The following TMEM132D variants were observed in gnomAD, a reference collection of about 807,000 sequenced individuals.
TMEM132D encodes the protein transmembrane protein 132D, also known as mature OL transmembrane protein.
In TMEM132D, 21 loss-of-function variants were observed where a neutral mutation model predicts 62.3. The ratio of observed to expected loss-of-function variants is 0.34; its 90% CI spans 0.24 to 0.49. The LOEUF (loss-of-function observed/expected upper bound fraction) is 0.49, where lower values mean the gene tolerates loss of function less well. Among genes scored for constraint, TMEM132D ranks in the 20% least tolerant of loss-of-function variants. The pLI is 0.99. For synonymous variants in TMEM132D, 621 were observed against 575.6 expected (o/e 1.08, Z -1.13); for missense variants, 1,346 against 1,402.8 (o/e 0.96, Z 0.65).
At chr12:129,637,071 A>G (rs1320562682) in intron 2 of TMEM132D, among the ~76,000 whole-genome samples, 1 of 152,214 alleles carries the variant, frequency 6.6e-6, no homozygotes, top group Non-Finnish European at 1.5e-5. Context: ...CCAGTCAAAG[A>G]TGACTCACGT....
intron 5 of TMEM132D, among the ~76,000 whole-genome samples, chr12:129,172,795 C>T (rs965377936): frequency 4.6e-5 from 7 of 152,152 alleles, no homozygotes; most frequent in Non-Finnish European, 7.3e-5. Context: ...TCAGGCTGGT[C>T]TCAAACTCCC....
intron 3 of TMEM132D, among the ~76,000 whole-genome samples, chr12:129,463,126 C>T (rs1189626474): frequency 6.6e-6 from 1 of 152,184 alleles, no homozygotes; most frequent in Non-Finnish European, 1.5e-5. Context: ...GAGCGCTGAA[C>T]CTACACAGTG....
intron 1 of TMEM132D, among the ~76,000 whole-genome samples, chr12:129,869,355 A>T (rs115827117): frequency 0.053 from 8,063 of 152,288 alleles, 312 homozygotes; most frequent in Non-Finnish European, 0.083. Flanking sequence ...TAGGACCTCC[A>T]TGGATACCAA....
Position 129,895,963 on chromosome 12 carries a change from CTT to C in TMEM132D, c.79+7296_79+7297del, listed in dbSNP as rs957389211. Among the ~76,000 whole-genome samples the C allele has an allele frequency of 8.8e-3, 857 of 97,780 alleles. 12 individuals carry two copies. Among genetic ancestry groups the C allele is most frequent in the African/African-American group, 0.029 (810 of 27,672 alleles). The allele number at this position is 97,780 out of a possible 152,430, so 64.1% of individuals were successfully genotyped here. On this transcript the variant is annotated intron_variant, in intron 1 of 8. Coordinates refer to ENST00000422113, the MANE Select transcript of TMEM132D (RefSeq NM_133448.3). ...TCAGGAATTTGATTTCTCTGTCTCT[CTT>C]TTTTTTTTTTTTTTTTTTGTTTGGA...
At chr12:129,676,938 C>T (rs1037307200) in intron 2 of TMEM132D, among the ~76,000 whole-genome samples, 8 of 152,158 alleles carry the variant, frequency 5.3e-5, no homozygotes, top group African/African-American at 1.9e-4. Context: ...TCCTATCCCG[C>T]CTTTTGCACT....
chr12:129,296,274 A>T (rs959894952), intron 4 of TMEM132D, among the ~76,000 whole-genome samples: 4 of 152,196 alleles, frequency 2.6e-5, no homozygotes, highest in African/African-American at 9.6e-5. Flanking sequence ...TGAGTACGTT[A>T]TCTCATTTAA....
At chr12:129,422,922 TAC>T (rs919381216) in intron 3 of TMEM132D, among the ~76,000 whole-genome samples, 1 of 148,634 alleles carries the variant, frequency 6.7e-6, no homozygotes, top group African/African-American at 2.5e-5. Flanking sequence ...TATACATACA[TAC>T]ATGCAGAATA....
At chr12:129,864,634 G>C (rs1373464641) in intron 1 of TMEM132D, among the ~76,000 whole-genome samples, 1 of 152,234 alleles carries the variant, frequency 6.6e-6, no homozygotes, top group African/African-American at 2.4e-5. Context: ...AGAGACAAGA[G>C]ATGGGGACAG....
At chr12:129,578,392 G>A (rs538986350) in intron 2 of TMEM132D, among the ~76,000 whole-genome samples, 114 of 117,274 alleles carry the variant, frequency 9.7e-4, no homozygotes, top group African/African-American at 3.6e-3. Flanking sequence ...TCTGGAGAAC[G>A]CTGAGTAATA....
At chr12:129,898,841 A>G (rs546007058) in intron 1 of TMEM132D, among the ~76,000 whole-genome samples, 22 of 152,210 alleles carry the variant, frequency 1.4e-4, no homozygotes, top group Non-Finnish European at 2.6e-4. Flanking sequence ...TGGTGCTCAG[A>G]AGGCAGTTAC....
rs1013028730 is a variant in TMEM132D, at chr12:129,441,852, G to A, written c.1115+89207C>T. ...GCCTTTGCAGCAACATGGATGCAGTGGGAGGCTGTTACCTTAAGCAAAGTG... is the reference window on the plus strand; with the variant it reads ...GCCTTTGCAGCAACATGGATGCAGTAGGAGGCTGTTACCTTAAGCAAAGTG... On this transcript the variant is annotated intron_variant, in intron 3 of 8. Coordinates refer to ENST00000422113, the MANE Select transcript of TMEM132D (RefSeq NM_133448.3). 2.0e-5 allele frequency among the ~76,000 whole-genome samples: 3 copies of A among 152,190 alleles called. No individual in the cohort carries two copies. In the South Asian group the frequency reaches 6.2e-4, roughly 32 times the overall value.
At chr12:129,423,239 C>G (rs1401326861) in intron 3 of TMEM132D, among the ~76,000 whole-genome samples, 1 of 152,102 alleles carries the variant, frequency 6.6e-6, no homozygotes, top group Admixed American at 6.5e-5. Context: ...AAATCTATCA[C>G]GTGATGATTT....
chr12:129,351,178 T>C lies in TMEM132D; in HGVS notation c.1116-13361A>G, dbSNP rs552466129. On this transcript the variant is annotated intron_variant, in intron 3 of 8. Coordinates refer to ENST00000422113, the MANE Select transcript of TMEM132D (RefSeq NM_133448.3). Reference sequence around the variant, plus strand: ...CATGGCTGGCCTGGCCATACTTACCTTATAACTGGACTGGAAGATGTATGT... The same window carrying C: ...CATGGCTGGCCTGGCCATACTTACCCTATAACTGGACTGGAAGATGTATGT... Among the ~76,000 whole-genome samples the C allele has an allele frequency of 4.6e-5, 7 of 152,284 alleles. No homozygotes were observed. In the East Asian group the frequency reaches 1.4e-3, roughly 29 times the overall value.
At chr12:129,658,582 G>T (rs1880155619) in intron 2 of TMEM132D, among the ~76,000 whole-genome samples, 1 of 152,088 alleles carries the variant, frequency 6.6e-6, no homozygotes, top group Non-Finnish European at 1.5e-5. Flanking sequence ...TGAAACTTGG[G>T]GTGGCCTCAG....
chr12:129,088,036 G>A (rs866152936), intron 5 of TMEM132D, among the ~76,000 whole-genome samples: 2 of 83,468 alleles, frequency 2.4e-5, no homozygotes, highest in African/African-American at 1.2e-4. Context: ...TGACCGGGGT[G>A]TCCTCTATGA....
intron 3 of TMEM132D, among the ~76,000 whole-genome samples, chr12:129,392,629 A>C (rs1871317332): frequency 6.6e-6 from 1 of 152,192 alleles, no homozygotes; most frequent in African/African-American, 2.4e-5. Context: ...CCTCGTTACA[A>C]ATGCTGACTC....
intron 1 of TMEM132D, among the ~76,000 whole-genome samples, chr12:129,840,734 G>T (rs781510923): frequency 6.8e-4 from 103 of 152,274 alleles, no homozygotes; most frequent in Non-Finnish European, 1.2e-3. Context: ...GGCAGCCTGG[G>T]CAACACCAGC....
intron 3 of TMEM132D, among the ~76,000 whole-genome samples, chr12:129,438,534 A>G (rs983804903): frequency 6.6e-6 from 1 of 152,248 alleles, no homozygotes; most frequent in Non-Finnish European, 1.5e-5. Flanking sequence ...TATGTACTAT[A>G]TGACTTCATT....
rs145908724 is a variant in TMEM132D, at chr12:129,184,773, C to T, written c.1443+24747G>A. On this transcript the variant is annotated intron_variant, in intron 5 of 8. Transcript: ENST00000422113. ...TGCTGAGCTCTGATCACATGGGACA[C>T]ACTTTCTCTTTCTTAGACAATCACC... is the stretch of plus-strand genomic sequence containing the variant. Among the ~76,000 whole-genome samples, 5 of 152,026 alleles carry T rather than the reference C, an allele frequency of 3.3e-5. No individual in the cohort carries two copies. The East Asian group carries it at 9.7e-4, about 30-fold the overall frequency.
Sources: allele counts gnomAD v4.1 joint callset (sites outside exome capture counted in the v4.1 genomes callset), GRCh38; gene constraint gnomAD v4.1.1; transcripts MANE v1.5; gene names NCBI Gene and HGNC (gene_info 2026-07-23, HGNC 2026-07-21).